The following GRID2 variants were observed in gnomAD, a reference collection of about 807,000 sequenced individuals.
GRID2 encodes glutamate ionotropic receptor delta type subunit 2, also known as glutamate receptor ionotropic, delta-2.
GRID2 carries 33 observed loss-of-function variants against 114.8 expected under a neutral mutation model. The ratio of observed to expected loss-of-function variants is 0.29; its 90% CI spans 0.22 to 0.38. The LOEUF (loss-of-function observed/expected upper bound fraction) is 0.38, where lower values mean the gene tolerates loss of function less well. Among genes scored for constraint, GRID2 ranks in the 10% least tolerant of loss-of-function variants. The pLI is 1.00. For synonymous variants in GRID2, 505 were observed against 449.9 expected (o/e 1.12, Z -1.55); for missense variants, 1,184 against 1,257.7 (o/e 0.94, Z 0.89).
At chr4:92,406,661 C>T (rs1466278369) in intron 1 of GRID2, among the ~76,000 whole-genome samples, 3 of 151,342 alleles carry the variant, frequency 2.0e-5, no homozygotes, top group Non-Finnish European at 4.4e-5. Context: ...AGGATGTAAG[C>T]ATAGTAACCA....
At chr4:92,733,755 C>A (rs1189946703) in intron 2 of GRID2, among the ~76,000 whole-genome samples, 1 of 151,912 alleles carries the variant, frequency 6.6e-6, no homozygotes, top group African/African-American at 2.4e-5. Context: ...GTGTAAGATC[C>A]TGGGGGCTGT....
chr4:92,677,697 A>G (rs1283954478), intron 2 of GRID2, among the ~76,000 whole-genome samples: 5 of 152,102 alleles, frequency 3.3e-5, no homozygotes, highest in African/African-American at 1.2e-4. Flanking sequence ...TGATATATCC[A>G]GTCGTACAAG....
intron 4 of GRID2, among the ~76,000 whole-genome samples, chr4:93,148,603 A>G (rs764645215): frequency 6.6e-6 from 1 of 152,128 alleles, no homozygotes; most frequent in Non-Finnish European, 1.5e-5. Context: ...TTAAGTGAGG[A>G]TTGTTTAAAA....
intron 4 of GRID2, among the ~76,000 whole-genome samples, chr4:93,155,046 G>A (rs1030720040): frequency 3.3e-5 from 5 of 151,816 alleles, no homozygotes; most frequent in Non-Finnish European, 7.4e-5. Context: ...CTACATAGAG[G>A]CTCCTTGGTG....
chr4:92,450,002 G>A (rs554533194), intron 1 of GRID2, among the ~76,000 whole-genome samples: 10 of 151,740 alleles, frequency 6.6e-5, no homozygotes, highest in African/African-American at 1.2e-4. Flanking sequence ...TTGATTCAGC[G>A]TTTTAATATT....
chr4:92,997,139 T>C (rs1237872916), intron 2 of GRID2, among the ~76,000 whole-genome samples: 1 of 152,192 alleles, frequency 6.6e-6, no homozygotes, highest in Non-Finnish European at 1.5e-5. Flanking sequence ...TGAGATGTAG[T>C]AGGTGATACA....
chr4:93,207,576 T>G (rs1174103206), intron 5 of GRID2, 119 bp downstream of exon 5: 1 of 660,786 alleles, frequency 1.5e-6, no homozygotes, highest in Non-Finnish European at 2.7e-6. Context: ...ACATTCAACT[T>G]ACTGAGTGAA....
At chr4:92,819,069 C>G (rs187329105) in intron 2 of GRID2, among the ~76,000 whole-genome samples, 2 of 152,148 alleles carry the variant, frequency 1.3e-5, no homozygotes, top group Admixed American at 1.3e-4. Context: ...TGTCCTACAC[C>G]AAAGCCCTTG....
chr4:92,630,532 T>C (rs1460970081), intron 2 of GRID2, among the ~76,000 whole-genome samples: 1 of 152,142 alleles, frequency 6.6e-6, no homozygotes, highest in Non-Finnish European at 1.5e-5. Context: ...GTCCTAAGGA[T>C]TCCTCTCTTT....
At chr4:93,383,948 T>G (rs567570496) in intron 8 of GRID2, among the ~76,000 whole-genome samples, 1 of 152,288 alleles carries the variant, frequency 6.6e-6, no homozygotes, top group East Asian at 1.9e-4. Context: ...AGGGGCTGTC[T>G]TAGACCTTTT....
intron 2 of GRID2, among the ~76,000 whole-genome samples, chr4:92,886,224 CTTATATAAGCATGGT>C (rs1336827311): frequency 2.6e-5 from 4 of 151,992 alleles, no homozygotes; most frequent in Admixed American, 1.3e-4. Context: ...ATTTTGCCAT[CTTATATAAGCATGGT>C]TTATATAAGC....
In GRID2 at chr4:92,524,595, C is replaced by T. The variant is rs143548356; in HGVS notation, c.89-65536C>T. On this transcript the variant is annotated intron_variant, in intron 1 of 15. Coordinates refer to ENST00000282020, the MANE Select transcript of GRID2 (RefSeq NM_001510.4). ...TCCTGGTAATTACATTGGACCTCCC[C>T]GAAAAATCCAGGGTACTTTCCCTAT... Among the ~76,000 whole-genome samples the T allele has an allele frequency of 5.9e-5, 9 of 151,536 alleles. No individual in the cohort carries two copies. In the South Asian group the frequency reaches 6.3e-4, roughly 11 times the overall value.
chr4:92,456,172 A>T (rs1721203895), intron 1 of GRID2, among the ~76,000 whole-genome samples: 1 of 151,138 alleles, frequency 6.6e-6, no homozygotes, highest in African/African-American at 2.4e-5. Flanking sequence ...AAAAAAAAAA[A>T]TCCCTCTAGC....
At chr4:92,341,471 G>T (rs1057265921) in intron 1 of GRID2, among the ~76,000 whole-genome samples, 1 of 151,964 alleles carries the variant, frequency 6.6e-6, no homozygotes, top group Admixed American at 6.6e-5. Flanking sequence ...GTCTAGAGCT[G>T]CTTCTACCCC....
At chr4:92,424,246 G>C (rs1021957084) in intron 1 of GRID2, among the ~76,000 whole-genome samples, 1 of 152,016 alleles carries the variant, frequency 6.6e-6, no homozygotes, top group Non-Finnish European at 1.5e-5. Context: ...TATTGCAAAG[G>C]AAAGAGTTAT....
chr4:93,515,078 C>A (rs1230089414), intron 12 of GRID2, 138 bp from the exon 13 acceptor site: 2 of 430,656 alleles, frequency 4.6e-6, no homozygotes, highest in African/African-American at 4.1e-5. Context: ...ATCCTAATAT[C>A]AGAAAACAAT....
At chr4:92,370,833 A>G (rs769546509) in intron 1 of GRID2, among the ~76,000 whole-genome samples, 5 of 152,170 alleles carry the variant, frequency 3.3e-5, no homozygotes, top group Non-Finnish European at 5.9e-5. Context: ...AGTGATGGTT[A>G]CCAAAGGGTG....
At chr4:92,605,265 A>C (rs1314608647) in intron 2 of GRID2, among the ~76,000 whole-genome samples, 3 of 152,100 alleles carry the variant, frequency 2.0e-5, no homozygotes, top group Admixed American at 2.0e-4. Flanking sequence ...GGGGAGGCCA[A>C]ATGACGGAAA....
chr4:93,775,237 G>A (rs1734344883), downstream of GRID2, among the ~76,000 whole-genome samples: 1 of 151,738 alleles, frequency 6.6e-6, no homozygotes, highest in African/African-American at 2.4e-5. Flanking sequence ...TAGAGATCTA[G>A]ACTGTTGACC....
Sources: gnomAD v4.1 joint callset for allele counts (sites outside exome capture counted in the v4.1 genomes callset) on GRCh38, gnomAD v4.1.1 for gene constraint, MANE v1.5 for transcripts, NCBI Gene and HGNC (gene_info 2026-07-23, HGNC 2026-07-21) for gene names.